Variants in ABTB2 observed in about 807,000 individuals in gnomAD.
ABTB2 encodes ankyrin repeat and BTB/POZ domain-containing protein 2.
ABTB2 carries 56 observed loss-of-function variants against 104.1 expected under a neutral mutation model. That is an observed-to-expected ratio of 0.54 (90% CI 0.43 to 0.67). The LOEUF (loss-of-function observed/expected upper bound fraction) is 0.67, where lower values mean the gene tolerates loss of function less well. ABTB2 is among the 30% of genes least tolerant of loss of function. The pLI, the probability that ABTB2 is intolerant of heterozygous loss-of-function variation, is 0.00. For missense variants in ABTB2, 1,279 were observed against 1,407.7 expected, an observed-to-expected ratio of 0.91 and a Z score of 1.46; for synonymous variants, 606 against 608.2, an observed-to-expected ratio of 1.00 and a Z score of 0.05.
Position 34,204,595 on chromosome 11 carries a change from T to C in ABTB2, c.979A>G (p.Thr327Ala), listed in dbSNP as rs1345996004. 2 of 1,613,572 alleles carry C rather than the reference T, an allele frequency of 1.2e-6. No homozygotes were observed. Among genetic ancestry groups the C allele is most frequent in the African/African-American group, 2.7e-5 (2 of 74,898 alleles). Reference protein sequence around the residue: ...ADAYAQLELRTLEQSLLATCV... With the variant: ...ADAYAQLELRALEQSLLATCV... ...GTGGCCAGGAGGGACTGCTCCAGGG[T>C]TCGGAGCTCCAGCTGGGCATAGGCA... The change falls in exon 2 of 17, where the codon ACC (threonine) becomes GCC (alanine). Residue 327 changes from threonine to alanine, a missense_variant. Physicochemically the swap from Thr to Ala is moderately conservative, Grantham distance 58. Transcript: ENST00000435224.
chr11:34,182,315 C>T (rs2143868), intron 3 of ABTB2, among the ~76,000 whole-genome samples: 81,701 of 151,978 alleles, frequency 0.54, 22,780 homozygotes, highest in African/African-American at 0.62. Context: ...TTTTCTAGAA[C>T]TGCTGGGTAA....
chr11:34,265,737 GGT>G (rs1854241057), intron 1 of ABTB2, among the ~76,000 whole-genome samples: 1 of 151,196 alleles, frequency 6.6e-6, no homozygotes, highest in Non-Finnish European at 1.5e-5. Flanking sequence ...AGGAGGCCGA[GGT>G]GGGTGGATCA....
intron 1 of ABTB2, among the ~76,000 whole-genome samples, chr11:34,230,791 T>A (rs1460969386): frequency 6.6e-6 from 1 of 152,176 alleles, no homozygotes; most frequent in Non-Finnish European, 1.5e-5. Context: ...CTTTACCTAG[T>A]TTCCGAAAAC....
intron 1 of ABTB2, among the ~76,000 whole-genome samples, chr11:34,306,999 A>AAG (rs1854784703): frequency 6.9e-6 from 1 of 145,380 alleles, no homozygotes; most frequent in East Asian, 2.0e-4. Flanking sequence ...AAAAAAAAAA[A>AAG]AAAAAGAAAG....
At chr11:34,331,852 T>C (rs1483418297) in intron 1 of ABTB2, among the ~76,000 whole-genome samples, 1 of 152,228 alleles carries the variant, frequency 6.6e-6, no homozygotes, top group African/African-American at 2.4e-5. Flanking sequence ...AAGTGTTAAG[T>C]AGTTCAGTAA....
chr11:34,164,379 TG>T (rs34906868), intron 9 of ABTB2, among the ~76,000 whole-genome samples: 1 of 19,206 alleles, frequency 5.2e-5, no homozygotes, highest in African/African-American at 6.7e-5. Context: ...GGAAGCAATG[TG>T]GTCCTGAGTG....
chr11:34,204,711 C>T lies in ABTB2; in HGVS notation c.884-21G>A, dbSNP rs58575789. 4.2e-3 allele frequency: 6,670 copies of T among 1,605,592 alleles called. 240 individuals carry two copies. The African/African-American group carries it at 0.076, about 18-fold the overall frequency. On this transcript the variant is annotated intron_variant, in intron 1 of 16. Coordinates refer to ENST00000435224, the MANE Select transcript of ABTB2 (RefSeq NM_145804.3). The stretch of plus-strand genomic sequence containing the variant: ...GACACCTATGGGGAAAGAAGGCAGA[C>T]AGGTCACACTTAGGAAGGAGTGGAA...
intron 1 of ABTB2, among the ~76,000 whole-genome samples, chr11:34,312,076 G>A (rs923555940): frequency 6.6e-6 from 1 of 151,852 alleles, no homozygotes; most frequent in East Asian, 1.9e-4. Flanking sequence ...AGGAGGTGGA[G>A]GTTGCAGTGG....
chr11:34,163,264 A>G (rs1852749455), intron 9 of ABTB2, among the ~76,000 whole-genome samples: 1 of 152,232 alleles, frequency 6.6e-6, no homozygotes, highest in African/African-American at 2.4e-5. Flanking sequence ...TATGCACGTG[A>G]AAGTGTCTAA....
chr11:34,218,467 A>C (rs73491818), intron 1 of ABTB2, among the ~76,000 whole-genome samples: 4,616 of 152,158 alleles, frequency 0.03, 233 homozygotes, highest in African/African-American at 0.11. Context: ...CATTTGAGTT[A>C]ATTCTGGGAA....
At chr11:34,335,738 G>A in intron 1 of ABTB2, 1 of 1,399,062 alleles carries the variant, frequency 7.1e-7, no homozygotes. Context: ...CTTTTCTTCT[G>A]TGAAGCAGTC....
chr11:34,197,340 G>T lies in ABTB2; in HGVS notation c.1229C>A (p.Thr410Asn). 1.2e-6 allele frequency: 2 copies of T among 1,614,094 alleles called. No homozygotes were observed. Among genetic ancestry groups the T allele is most frequent in the Non-Finnish European group, 8.5e-7 (1 of 1,180,002 alleles). The change falls in exon 3 of 17, where the codon ACC becomes AAC. Residue 410 changes from threonine to asparagine, a missense_variant. Physicochemically the swap from Thr to Asn is moderately conservative, Grantham distance 65. Transcript: ENST00000435224. ...ENPNLDPPRM[T>N]LNNERPFMLL... ...AGATCCCTACCGTTCATTGTTCAAG[G>T]TCATTCTCGGGGGGTCCAGGTTGGG...
intron 1 of ABTB2, among the ~76,000 whole-genome samples, chr11:34,301,575 T>G (rs1361533646): frequency 1.3e-5 from 2 of 152,248 alleles, no homozygotes; most frequent in Non-Finnish European, 2.9e-5. Context: ...TTTTGTTCTC[T>G]GAATAACACA....
intron 1 of ABTB2, among the ~76,000 whole-genome samples, chr11:34,222,490 C>T (rs139704100): frequency 2.9e-4 from 44 of 152,240 alleles, no homozygotes; most frequent in African/African-American, 1.0e-3. Context: ...CCTAAGCATC[C>T]GAGTGGGAGG....
rs1854595458 is a variant in ABTB2 at position 34,294,264 on chromosome 11, G to A, written c.883+62437C>T. Among the ~76,000 whole-genome samples the A allele has an allele frequency of 2.6e-5, 4 of 152,160 alleles. No individual in the cohort carries two copies. In the South Asian group the frequency reaches 8.3e-4, roughly 32 times the overall value. On this transcript the variant is annotated intron_variant, in intron 1 of 16. Transcript: ENST00000435224. ...ATGGTGGCTTGAGCCTGGGGTCATT[G>A]AGGCTGCAGTGAACAGTGATTGTGC... is the stretch of plus-strand genomic sequence containing the variant.
intron 1 of ABTB2, among the ~76,000 whole-genome samples, chr11:34,225,347 G>T (rs951973943): frequency 1.3e-5 from 2 of 152,184 alleles, no homozygotes; most frequent in African/African-American, 4.8e-5. Context: ...GCAAGACCCC[G>T]CCACTGTTAT....
chr11:34,152,647 C>T (rs1042345116), intron 16 of ABTB2, 63 bp from the exon 17 acceptor site: 22 of 1,477,298 alleles, frequency 1.5e-5, no homozygotes, highest in Middle Eastern at 1.9e-4. Context: ...TCACCCTCAC[C>T]CCCAAATACT....
chr11:34,164,123 C>CCAGCCCCGCTTTTG (rs1852762838), intron 9 of ABTB2, among the ~76,000 whole-genome samples: 1 of 152,120 alleles, frequency 6.6e-6, no homozygotes, highest in Non-Finnish European at 1.5e-5. Context: ...CCCCGCTTTT[C>CCAGCCCCGCTTTTG]CAGCCCCGTT....
At chr11:34,285,387 G>A (rs1024760105) in intron 1 of ABTB2, among the ~76,000 whole-genome samples, 6 of 152,066 alleles carry the variant, frequency 3.9e-5, no homozygotes, top group African/African-American at 1.4e-4. Context: ...TTGCTCTGGC[G>A]GTAACCAGAG....
Sources: gnomAD v4.1 joint callset for allele counts (sites outside exome capture counted in the v4.1 genomes callset) on GRCh38, gnomAD v4.1.1 for gene constraint, MANE v1.5 for transcripts, NCBI Gene and HGNC (gene_info 2026-07-23, HGNC 2026-07-21) for gene names.